The following NECTIN1 variants were observed in gnomAD, a reference collection of about 807,000 sequenced individuals.
The protein encoded by NECTIN1 is nectin-1.
In NECTIN1, 23 loss-of-function variants were observed where a neutral mutation model predicts 48.0. The observed-to-expected ratio is 0.48, with a 90% confidence interval of 0.34 to 0.68. The LOEUF (loss-of-function observed/expected upper bound fraction) is 0.68. Among genes scored for constraint, NECTIN1 ranks in the 30% least tolerant of loss-of-function variants. The pLI is 0.01. For missense variants in NECTIN1, 591 were observed against 709.9 expected (o/e 0.83, Z 1.90); for synonymous variants, 270 against 288.9 (o/e 0.93, Z 0.66).
At chr11:119,720,836 C>G (rs1264668404) in intron 1 of NECTIN1, among the ~76,000 whole-genome samples, 1 of 152,160 alleles carries the variant, frequency 6.6e-6, no homozygotes, top group African/African-American at 2.4e-5. Flanking sequence ...TCCAAGGCCC[C>G]AGCACAATGA....
Position 119,678,614 on chromosome 11 carries a change from G to A in NECTIN1, c.231C>T (p.Asn77=), listed in dbSNP as rs202108922. 20 of 1,614,180 alleles carry A rather than the reference G, an allele frequency of 1.2e-5. No individual in the cohort carries two copies. The East Asian group carries it at 2.5e-4, about 20-fold the overall frequency. ...CCATGGATGGGTTGTAGATGGCCAC[G>A]TTCTGCTTGGAGCCATTGGTGGACT... The part of the protein sequence containing the change: ...WQKSTNGSKQ[N]VAIYNPSMGV... Residue 77 remains asparagine (N), a synonymous_variant, in exon 2 of 6, where the codon AAC becomes AAT. Transcript: ENST00000264025. The surrounding 1 kb of genome is among the most constrained non-coding windows in gnomAD (Gnocchi z 4.4).
Position 119,684,500 on chromosome 11 carries a change from AC to A in NECTIN1, c.80-5736del, listed in dbSNP as rs1865121095. Among the ~76,000 whole-genome samples the A allele has an allele frequency of 6.6e-6, 1 of 151,388 alleles. No homozygotes were observed. Among genetic ancestry groups the A allele is most frequent in the Non-Finnish European group, 1.5e-5 (1 of 67,872 alleles). On this transcript the variant is annotated intron_variant, in intron 1 of 5. Coordinates refer to ENST00000264025, the MANE Select transcript of NECTIN1 (RefSeq NM_002855.5). This position sits in a 1 kb window ranked among gnomAD's most constrained non-coding sequence, Gnocchi z 5.2. The stretch of plus-strand genomic sequence containing the variant: ...TCTAGGGCTTTCCAGGGATGCTCCC[AC>A]CCCCACCCCAGGAACTGGCAGAAGG...
In NECTIN1 at chr11:119,727,257, C is replaced by T. The variant is rs1754033844; in HGVS notation, c.79+1218G>A. The stretch of plus-strand genomic sequence containing the variant: ...GTTCCCTCGATAACAAACTGCCTGG[C>T]CATTCTGCGGCAAAGCACATTGCAG... On this transcript the variant is annotated intron_variant, in intron 1 of 5. Transcript: ENST00000264025. The surrounding 1 kb of genome is among the most constrained non-coding windows in gnomAD (Gnocchi z 4.1). 6.6e-6 allele frequency among the ~76,000 whole-genome samples: 1 copy of T among 152,192 alleles called. No individual in the cohort carries two copies. Among genetic ancestry groups the T allele is most frequent in the East Asian group, 1.9e-4 (1 of 5,194 alleles).
chr11:119,699,053 G>C (rs1360570545), intron 1 of NECTIN1, among the ~76,000 whole-genome samples: 1 of 152,184 alleles, frequency 6.6e-6, no homozygotes, highest in Non-Finnish European at 1.5e-5. Flanking sequence ...ACTCTGGCCT[G>C]TGGTGCCTGC....
rs1049886554 is a variant in NECTIN1 at position 119,665,238 on chromosome 11, C to G, written c.1063G>C (p.Ala355Pro). Residue 355 changes from alanine to proline, a missense_variant, in exon 6 of 6, where the codon GCC (alanine) becomes CCC (proline). By Grantham distance (27) the Ala-to-Pro change is conservative. Coordinates refer to ENST00000264025, the MANE Select transcript of NECTIN1 (RefSeq NM_002855.5). This position sits in a 1 kb window ranked among gnomAD's most constrained non-coding sequence, Gnocchi z 5.1. Reference protein sequence around the residue: ...HGRRAGPVPTAIIGGVAGSIL... With the variant: ...HGRRAGPVPTPIIGGVAGSIL... ...CTCCCCGCCACGCCCCCAATGATGG[C>G]CGTGGGCACCGGCCCGGCGCGCCGC... The G allele has an allele frequency of 5.0e-6, 8 of 1,601,000 alleles. No individual in the cohort carries two copies. Among genetic ancestry groups the G allele is most frequent in the Non-Finnish European group, 6.8e-6 (8 of 1,178,044 alleles).
intron 1 of NECTIN1, among the ~76,000 whole-genome samples, chr11:119,688,819 T>C (rs1051657787): frequency 9.9e-5 from 15 of 151,446 alleles, no homozygotes; most frequent in Non-Finnish European, 1.6e-4. Context: ...GGCAGTGAGT[T>C]GTGTTTGGGG....
chr11:119,721,360 A>G (rs1865827338), intron 1 of NECTIN1, among the ~76,000 whole-genome samples: 1 of 152,200 alleles, frequency 6.6e-6, no homozygotes, highest in Admixed American at 6.5e-5. Context: ...ACTCCATTTA[A>G]GCCCATAGCT....
In NECTIN1 at chr11:119,678,330, G is replaced by A; in HGVS notation, c.430+85C>T. The A allele has an allele frequency of 8.1e-7, 1 of 1,240,200 alleles. No homozygotes were observed. Among genetic ancestry groups the A allele is most frequent in the East Asian group, 2.3e-5 (1 of 43,156 alleles). The allele number at this position is 1,240,200 out of a possible 1,614,324, so 76.8% of individuals were successfully genotyped here. A position where few individuals can be genotyped will look rare whatever the true frequency, so the allele number is the denominator to read the frequency against. Reference sequence around the variant, plus strand: ...GCATGCCCACCCAAGGGGGATGTCTGGGGTCATTGAGGCATCCTGAGGATG... The same window carrying A: ...GCATGCCCACCCAAGGGGGATGTCTAGGGTCATTGAGGCATCCTGAGGATG... On this transcript the variant is annotated intron_variant, in intron 2 of 5. Coordinates refer to ENST00000264025, the MANE Select transcript of NECTIN1 (RefSeq NM_002855.5). The surrounding 1 kb of genome is among the most constrained non-coding windows in gnomAD (Gnocchi z 4.4).
chr11:119,667,909 T>A (rs775893124), intron 5 of NECTIN1, among the ~76,000 whole-genome samples: 30 of 152,296 alleles, frequency 2.0e-4, no homozygotes, highest in Non-Finnish European at 3.1e-4. Flanking sequence ...CTCAAACCAT[T>A]GGCTCAAAGG....
chr11:119,710,458 G>A (rs1388992698), intron 1 of NECTIN1, among the ~76,000 whole-genome samples: 1 of 152,132 alleles, frequency 6.6e-6, no homozygotes. Context: ...GTGTATGCAT[G>A]TGAAGGATAT....
chr11:119,716,876 ACACACAGCACGTGACCTCATACACG>A (rs1196776516), intron 1 of NECTIN1, among the ~76,000 whole-genome samples: 1 of 152,240 alleles, frequency 6.6e-6, no homozygotes, highest in Non-Finnish European at 1.5e-5. Context: ...GCACGCACAC[ACACACAGCACGTGACCTCATACACG>A]CACACACACC....
chr11:119,695,811 G>C (rs1025697824), intron 1 of NECTIN1, among the ~76,000 whole-genome samples: 2 of 152,180 alleles, frequency 1.3e-5, no homozygotes, highest in Non-Finnish European at 2.9e-5. Flanking sequence ...TTGCTCCCCA[G>C]GTTGGTTTGC....
chr11:119,725,753 C>T lies in NECTIN1; in HGVS notation c.79+2722G>A, dbSNP rs535318880. ...GTGTGCTGTGACCCGACAGGTCTTC[C>T]GAGGGTGTGCATGACACCTGGGGTG... On this transcript the variant is annotated intron_variant, in intron 1 of 5. Transcript: ENST00000264025. 2.2e-3 allele frequency among the ~76,000 whole-genome samples: 335 copies of T among 152,266 alleles called. 1 individual carries two copies. The highest frequency in any genetic ancestry group is 7.6e-3 in the African/African-American group (314 of 41,538).
intron 5 of NECTIN1, among the ~76,000 whole-genome samples, chr11:119,643,714 A>C (rs915275213): frequency 2.0e-5 from 3 of 152,070 alleles, no homozygotes. Flanking sequence ...CTCTGGTTAC[A>C]CCGTGACAAA....
In NECTIN1 at chr11:119,661,467, G is replaced by A. The variant is rs1371284188; in HGVS notation, c.*3280C>T. 4 of 985,950 alleles carry A rather than the reference G, an allele frequency of 4.1e-6. No homozygotes were observed. In the East Asian group the frequency reaches 4.5e-4, roughly 112 times the overall value. 61.1% of individuals were successfully genotyped at this position (985,950 alleles called of 1,614,324 possible). Reference sequence around the variant, plus strand: ...GGGCACACCCACCTGCCCCTCACTAGGAGAGGGTTTCTGTTGGCAGTCAGG... The same window carrying A: ...GGGCACACCCACCTGCCCCTCACTAAGAGAGGGTTTCTGTTGGCAGTCAGG... On this transcript the variant is annotated 3_prime_UTR_variant, in exon 6 of 6. Transcript: ENST00000264025.
chr11:119,665,135 T>A lies in NECTIN1; in HGVS notation c.1166A>T (p.Tyr389Phe). 6.2e-7 allele frequency: 1 copy of A among 1,613,962 alleles called. No homozygotes were observed. Among genetic ancestry groups the A allele is most frequent in the Non-Finnish European group, 8.5e-7 (1 of 1,180,006 alleles). Residue 389 changes from tyrosine (Y) to phenylalanine (F), a missense_variant, in exon 6 of 6, where the codon TAC becomes TTC. Physicochemically the swap from Tyr to Phe is conservative, Grantham distance 22. Transcript: ENST00000264025. This position sits in a 1 kb window ranked among gnomAD's most constrained non-coding sequence, Gnocchi z 5.1. ...GCCATACACGTGCTTCTTGGTGCTG[T>A]AGTCACCCTTGAAGGTGTGCCGGCG... ...RRRRHTFKGD[Y>F]STKKHVYGNG...
At chr11:119,722,656 A>G (rs570707440) in intron 1 of NECTIN1, among the ~76,000 whole-genome samples, 4 of 152,336 alleles carry the variant, frequency 2.6e-5, no homozygotes, top group African/African-American at 9.6e-5. Context: ...GAACCTGTGC[A>G]TTACCCACAG....
intron 1 of NECTIN1, among the ~76,000 whole-genome samples, chr11:119,714,773 A>T (rs1373129262): frequency 1.3e-5 from 2 of 150,486 alleles, no homozygotes; most frequent in Admixed American, 1.3e-4. Context: ...GGGGTGGGAA[A>T]GGGATAGAGG....
chr11:119,649,488 A>G (rs1864459407), intron 5 of NECTIN1, among the ~76,000 whole-genome samples: 1 of 150,338 alleles, frequency 6.7e-6, no homozygotes, highest in Non-Finnish European at 1.5e-5. Context: ...AGGAGTTCAA[A>G]ACAAGCCTGG....
Sources: gnomAD v4.1 joint callset for allele counts (sites outside exome capture counted in the v4.1 genomes callset) on GRCh38, gnomAD v4.1.1 for gene constraint, Gnocchi (gnomAD v3.1) non-coding constraint, MANE v1.5 for transcripts, NCBI Gene and HGNC (gene_info 2026-07-23, HGNC 2026-07-21) for gene names.